Variants in KCNJ6 observed in about 807,000 individuals in gnomAD.
The protein encoded by KCNJ6 is potassium inwardly rectifying channel subfamily J member 6.
In KCNJ6, 9 loss-of-function variants were observed where a neutral mutation model predicts 34.2. The observed-to-expected ratio is 0.26, with a 90% CI of 0.16 to 0.46. The LOEUF (loss-of-function observed/expected upper bound fraction) is 0.46. Ranked by LOEUF, KCNJ6 falls within the 20% of genes least tolerant of loss-of-function variation. The pLI is 1.00. For missense variants in KCNJ6, 236 were observed against 531.3 expected (o/e 0.44, Z 5.46); for synonymous variants, 196 against 207.1 (o/e 0.95, Z 0.46).
intron 1 of KCNJ6, among the ~76,000 whole-genome samples, chr21:37,909,918 A>G (rs1381705226): frequency 1.3e-5 from 2 of 152,164 alleles, no homozygotes; most frequent in African/African-American, 4.8e-5. Flanking sequence ...AGAAATATAC[A>G]TCTCCTTCCC....
chr21:37,640,769 T>C (rs908244849), intron 3 of KCNJ6, among the ~76,000 whole-genome samples: 1 of 152,244 alleles, frequency 6.6e-6, no homozygotes, highest in African/African-American at 2.4e-5. Flanking sequence ...TTATTCTGCA[T>C]TTTTCAGGCA....
At chr21:37,643,395 A>T (rs2054389840) in intron 3 of KCNJ6, among the ~76,000 whole-genome samples, 1 of 152,172 alleles carries the variant, frequency 6.6e-6, no homozygotes, top group African/African-American at 2.4e-5. Context: ...GAGCCAAGGG[A>T]CCTGGTAAGA....
intron 2 of KCNJ6, among the ~76,000 whole-genome samples, chr21:37,777,502 C>T (rs1362950383): frequency 6.6e-6 from 1 of 152,114 alleles, no homozygotes; most frequent in African/African-American, 2.4e-5. Context: ...TTACTATTTG[C>T]TTTTTGTCTT....
chr21:37,627,711 G>C (rs2054317602), intron 3 of KCNJ6, among the ~76,000 whole-genome samples: 1 of 152,188 alleles, frequency 6.6e-6, no homozygotes, highest in Non-Finnish European at 1.5e-5. Context: ...ACATGCATGT[G>C]TAAGGCTGTG....
chr21:37,674,444 C>T (rs1238070567), intron 3 of KCNJ6, among the ~76,000 whole-genome samples: 1 of 152,082 alleles, frequency 6.6e-6, no homozygotes, highest in Non-Finnish European at 1.5e-5. Flanking sequence ...GCAAAAGCCA[C>T]ACAAAGCTCT....
chr21:37,768,472 GA>G (rs1262605818), intron 2 of KCNJ6, among the ~76,000 whole-genome samples: 1 of 152,094 alleles, frequency 6.6e-6, no homozygotes, highest in East Asian at 1.9e-4. Context: ...GAAGAAAAAG[GA>G]AAAAAACTGA....
intron 2 of KCNJ6, among the ~76,000 whole-genome samples, chr21:37,774,479 C>T (rs1315839607): frequency 5.3e-5 from 8 of 152,062 alleles, no homozygotes; most frequent in Non-Finnish European, 8.8e-5. Flanking sequence ...AGGTATATCT[C>T]CTAATGCTAT....
intron 1 of KCNJ6, among the ~76,000 whole-genome samples, chr21:37,914,117 C>A (rs890506141): frequency 1.3e-5 from 2 of 151,822 alleles, no homozygotes; most frequent in African/African-American, 4.8e-5. Context: ...CAGTTCAGCT[C>A]AGGTCTTTCC....
At position 37,607,461 on chromosome 21, in the gene KCNJ6, A is replaced by AAG. The variant is rs1313707290; in HGVS notation, c.*17696_*17697dup. On this transcript the variant is annotated 3_prime_UTR_variant, in exon 4 of 4. Transcript: ENST00000609713. ...GTTTCCCTAACACAGCGAGTTCTTA[A>AAG]AGATATATATATATATATATATTTT... is the stretch of plus-strand genomic sequence containing the variant. 3.6e-5 allele frequency: 2 copies of AAG among 56,160 alleles called. No individual in the cohort carries two copies. The highest frequency in any genetic ancestry group is 8.6e-4 in the East Asian group (1 of 1,160). The allele number at this position is 56,160 out of a possible 1,614,324, so 3.5% of individuals were successfully genotyped here. A position where few individuals can be genotyped will look rare whatever the true frequency, so the allele number is the denominator to read the frequency against.
Position 37,617,169 on chromosome 21 carries a change from TTTCCTTCCTTCCTTCCTTCC to T in KCNJ6, c.*7970_*7989del, listed in dbSNP as rs368033744. 86 of 93,948 alleles carry T rather than the reference TTTCCTTCCTTCCTTCCTTCC, an allele frequency of 9.2e-4. No homozygotes were observed. Among genetic ancestry groups the T allele is most frequent in the South Asian group, 3.2e-3 (7 of 2,184 alleles). The allele number at this position is 93,948 out of a possible 1,614,324, so 5.8% of individuals were successfully genotyped here. A position where few individuals can be genotyped will look rare whatever the true frequency, so the allele number is the denominator to read the frequency against. ...CTTCCTTCCTTCTTTCTTTATCTTTTTTCCTTCCTTCCTTCCTTCCTTCCTTCCTTCCTTCCTTCCTTCCT... is the reference window on the plus strand; with the variant it reads ...CTTCCTTCCTTCTTTCTTTATCTTTTTTCCTTCCTTCCTTCCTTCCTTCCT... On this transcript the variant is annotated 3_prime_UTR_variant, in exon 4 of 4. Coordinates refer to ENST00000609713, the MANE Select transcript of KCNJ6 (RefSeq NM_002240.5).
rs979628001 is a variant in KCNJ6, at chr21:37,610,274, T to G, written c.*14885A>C. On this transcript the variant is annotated 3_prime_UTR_variant, in exon 4 of 4. Transcript: ENST00000609713. Reference sequence around the variant, plus strand: ...AAAAAGATGAGGAAACTACAGCAGATTAGTCTTTTTGCTTAAGCTTGCATG... The same window carrying G: ...AAAAAGATGAGGAAACTACAGCAGAGTAGTCTTTTTGCTTAAGCTTGCATG... 1 of 152,150 alleles carries G rather than the reference T, an allele frequency of 6.6e-6. No homozygotes were observed. The highest frequency in any genetic ancestry group is 1.5e-5 in the Non-Finnish European group (1 of 68,042). 9.4% of individuals were successfully genotyped at this position (152,150 alleles called of 1,614,324 possible). A position where few individuals can be genotyped will look rare whatever the true frequency, so the allele number is the denominator to read the frequency against.
intron 2 of KCNJ6, among the ~76,000 whole-genome samples, chr21:37,722,203 C>T (rs2054830526): frequency 6.6e-6 from 1 of 152,054 alleles, no homozygotes; most frequent in Non-Finnish European, 1.5e-5. Context: ...TTATCATAGC[C>T]ACACAAAAAT....
At chr21:37,735,002 C>A (rs372316919) in intron 2 of KCNJ6, among the ~76,000 whole-genome samples, 2 of 152,136 alleles carry the variant, frequency 1.3e-5, no homozygotes, top group Admixed American at 1.3e-4. Flanking sequence ...CTTCACGATT[C>A]GCTCAGGGCC....
At chr21:37,711,807 C>T (rs893241373) in intron 3 of KCNJ6, among the ~76,000 whole-genome samples, 1 of 150,640 alleles carries the variant, frequency 6.6e-6, no homozygotes, top group Admixed American at 6.6e-5. Context: ...ACCCCCCCCC[C>T]AAGTCTAGAA....
chr21:37,835,007 A>C (rs572155345), intron 2 of KCNJ6, among the ~76,000 whole-genome samples: 2 of 152,328 alleles, frequency 1.3e-5, no homozygotes, highest in East Asian at 3.9e-4. Flanking sequence ...CCATGCCCAA[A>C]GGGATGGCTG....
At chr21:37,753,412 A>C (rs1254199506) in intron 2 of KCNJ6, among the ~76,000 whole-genome samples, 1 of 152,202 alleles carries the variant, frequency 6.6e-6, no homozygotes, top group African/African-American at 2.4e-5. Context: ...TGATGTGAGA[A>C]ACTTCAACCA....
chr21:37,701,575 T>C (rs1376357341), intron 3 of KCNJ6, among the ~76,000 whole-genome samples: 2 of 152,178 alleles, frequency 1.3e-5, no homozygotes, highest in Non-Finnish European at 1.5e-5. Flanking sequence ...ACTGAGAGGA[T>C]AGCAATGAGC....
intron 2 of KCNJ6, among the ~76,000 whole-genome samples, chr21:37,735,960 C>T (rs2123472013): frequency 6.6e-6 from 1 of 152,316 alleles, no homozygotes; most frequent in Middle Eastern, 3.4e-3. Flanking sequence ...ATGGGGTCAG[C>T]ACTCTGAGAA....
intron 1 of KCNJ6, among the ~76,000 whole-genome samples, chr21:37,843,860 T>C (rs918995302): frequency 2.6e-5 from 4 of 152,144 alleles, no homozygotes; most frequent in Non-Finnish European, 4.4e-5. Flanking sequence ...TTAGCCAAGA[T>C]CCCTTATACA....
Sources: gnomAD v4.1 joint callset for allele counts (sites outside exome capture counted in the v4.1 genomes callset) on GRCh38, gnomAD v4.1.1 for gene constraint, MANE v1.5 for transcripts, NCBI Gene and HGNC (gene_info 2026-07-23, HGNC 2026-07-21) for gene names.